Variants in LMO7 observed in about 807,000 individuals in gnomAD.
LMO7 encodes the protein LIM domain only protein 7.
In LMO7, 120 loss-of-function variants were observed where a neutral mutation model predicts 206.5. The ratio of observed to expected loss-of-function variants is 0.58; its 90% confidence interval spans 0.50 to 0.68. The LOEUF (loss-of-function observed/expected upper bound fraction) is 0.68, where lower values mean the gene tolerates loss of function less well. LMO7 is among the 30% of genes least tolerant of loss of function. The probability of loss-of-function intolerance (pLI) is 0.00; values close to 1 mark genes in which losing one functional copy is unlikely to be tolerated. For missense variants in LMO7, 1,959 were observed against 1,957.9 expected, an observed-to-expected ratio of 1.00 and a Z score of -0.01; for synonymous variants, 706 against 681.5, an observed-to-expected ratio of 1.04 and a Z score of -0.56.
chr13:75,815,898 C>T lies in LMO7; in HGVS notation c.1947-1263C>T, dbSNP rs146825311. On this transcript the variant is annotated intron_variant, in intron 11 of 30. Coordinates refer to ENST00000377534, the MANE Select transcript of LMO7 (RefSeq NM_001306080.2). ...GAGGGCAGGTAGCAACATTAGTAACCACAAGAGGAAAAGCAGGTTTGGGGA... is the reference window on the plus strand; with the variant it reads ...GAGGGCAGGTAGCAACATTAGTAACTACAAGAGGAAAAGCAGGTTTGGGGA... 7.1e-3 allele frequency among the ~76,000 whole-genome samples: 1,078 copies of T among 152,166 alleles called. 12 individuals are homozygous for T. Among genetic ancestry groups the T allele is most frequent in the Non-Finnish European group, 0.012 (795 of 68,000 alleles).
intron 1 of LMO7, among the ~76,000 whole-genome samples, chr13:75,658,059 G>A (rs1210191797): frequency 6.8e-6 from 1 of 147,952 alleles, no homozygotes; most frequent in Non-Finnish European, 1.5e-5. Context: ...CACCGTTTTG[G>A]CTTTTTTTTT....
chr13:75,807,378 G>T, intron 9 of LMO7, 102 bp from the exon 10 acceptor site: 2 of 1,194,374 alleles, frequency 1.7e-6, no homozygotes, highest in Non-Finnish European at 2.3e-6. Context: ...TCAGTAACTG[G>T]CTAGTTGGTC....
At chr13:75,700,702 C>T (rs2042231081) in intron 1 of LMO7, among the ~76,000 whole-genome samples, 1 of 152,198 alleles carries the variant, frequency 6.6e-6, no homozygotes, top group African/African-American at 2.4e-5. Context: ...ATCTGCAAAC[C>T]AAGAAGACTG....
At chr13:75,787,485 T>G (rs1184267032) in intron 4 of LMO7, among the ~76,000 whole-genome samples, 1 of 152,218 alleles carries the variant, frequency 6.6e-6, no homozygotes, top group Non-Finnish European at 1.5e-5. Flanking sequence ...GCTGTGAAAT[T>G]TAATAACAAA....
At chr13:75,716,243 G>A (rs140637662) in intron 2 of LMO7, among the ~76,000 whole-genome samples, 281 of 152,264 alleles carry the variant, frequency 1.8e-3, no homozygotes, top group Non-Finnish European at 2.6e-3. Flanking sequence ...AGTTCGAATA[G>A]CTTATAGCTT....
At chr13:75,793,366 C>T (rs2053564628) in intron 4 of LMO7, among the ~76,000 whole-genome samples, 1 of 152,312 alleles carries the variant, frequency 6.6e-6, no homozygotes, top group Admixed American at 6.5e-5. Context: ...ACCTCCGCCT[C>T]CCGGGTTCAA....
chr13:75,741,953 G>T (rs759212374), intron 3 of LMO7, among the ~76,000 whole-genome samples: 1 of 152,188 alleles, frequency 6.6e-6, no homozygotes, highest in East Asian at 1.9e-4. Flanking sequence ...GTTTGCAGAT[G>T]ACTTGATTCT....
chr13:75,730,324 C>CAG (rs1351930737), intron 3 of LMO7, among the ~76,000 whole-genome samples: 1 of 152,176 alleles, frequency 6.6e-6, no homozygotes, highest in African/African-American at 2.4e-5. Context: ...TTGGTCTGTT[C>CAG]AGAGATTCAA....
intron 4 of LMO7, among the ~76,000 whole-genome samples, chr13:75,783,322 A>G (rs2051842615): frequency 6.6e-6 from 1 of 152,064 alleles, no homozygotes; most frequent in Non-Finnish European, 1.5e-5. Context: ...TGAAGATCTG[A>G]TATGTTCCTT....
intron 1 of LMO7, among the ~76,000 whole-genome samples, chr13:75,699,694 G>A (rs2137881131): frequency 6.6e-6 from 1 of 152,286 alleles, no homozygotes. Flanking sequence ...AAGGCAAATG[G>A]GGGCAGAGCA....
At chr13:75,709,390 T>C (rs1334367505) in intron 1 of LMO7, among the ~76,000 whole-genome samples, 1 of 152,132 alleles carries the variant, frequency 6.6e-6, no homozygotes, top group Non-Finnish European at 1.5e-5. Flanking sequence ...TCCACAATGG[T>C]TGAACTAGTT....
At chr13:75,624,841 T>C (rs1329922286) in intron 2 of LMO7, among the ~76,000 whole-genome samples, 1 of 152,176 alleles carries the variant, frequency 6.6e-6, no homozygotes, top group African/African-American at 2.4e-5. Flanking sequence ...GGAGTTACCA[T>C]TCAAGATGAG....
chr13:75,637,039 G>T (rs528871833), intron 1 of LMO7, among the ~76,000 whole-genome samples: 19 of 152,298 alleles, frequency 1.2e-4, no homozygotes, highest in African/African-American at 4.3e-4. Context: ...GCCCTGGCTC[G>T]CCCGGGGCGT....
chr13:75,801,237 CA>C (rs200955354), intron 7 of LMO7, among the ~76,000 whole-genome samples: 2,560 of 113,194 alleles, frequency 0.023, 58 homozygotes, highest in African/African-American at 0.069. Flanking sequence ...TAAGATTCTG[CA>C]AAAAAAAAAA....
intron 4 of LMO7, 137 bp from the exon 5 acceptor site, chr13:75,795,264 T>C (rs1203388259): frequency 3.4e-6 from 2 of 593,610 alleles, no homozygotes; most frequent in East Asian, 3.2e-5. Flanking sequence ...GGAGATAATA[T>C]GAGCTCTAAG....
intron 2 of LMO7, among the ~76,000 whole-genome samples, chr13:75,717,476 C>T (rs1037901325): frequency 6.6e-6 from 1 of 151,770 alleles, no homozygotes; most frequent in Non-Finnish European, 1.5e-5. Context: ...GATATTCACC[C>T]CTATCGGTGT....
At chr13:75,774,493 A>G (rs2050131318) in intron 4 of LMO7, among the ~76,000 whole-genome samples, 1 of 152,148 alleles carries the variant, frequency 6.6e-6, no homozygotes, top group South Asian at 2.1e-4. Flanking sequence ...TGTTACAAAT[A>G]TAAGTTGTCC....
chr13:75,677,926 AATG>A (rs1176535680), intron 1 of LMO7, among the ~76,000 whole-genome samples: 2 of 151,602 alleles, frequency 1.3e-5, no homozygotes, highest in Non-Finnish European at 1.5e-5. Flanking sequence ...GTTTGCTGAG[AATG>A]ATGGTTTCCA....
chr13:75,846,438 A>G (rs2060003917), intron 26 of LMO7, among the ~76,000 whole-genome samples: 1 of 152,138 alleles, frequency 6.6e-6, no homozygotes, highest in African/African-American at 2.4e-5. Context: ...TACTTTTCTG[A>G]TCTGGTTCCT....
Sources: gnomAD v4.1 joint callset for allele counts (sites outside exome capture counted in the v4.1 genomes callset) on GRCh38, gnomAD v4.1.1 for gene constraint, MANE v1.5 for transcripts, NCBI Gene and HGNC (gene_info 2026-07-23, HGNC 2026-07-21) for gene names.